The following ANKRD11 variants were observed in gnomAD, a reference collection of about 807,000 sequenced individuals.
ANKRD11 encodes ankyrin repeat domain 11.
ANKRD11 carries 17 observed loss-of-function variants against 195.7 expected under a neutral mutation model. The observed-to-expected ratio is 0.09, with a 90% CI of 0.06 to 0.13. The LOEUF (loss-of-function observed/expected upper bound fraction) is 0.13. Among genes scored for constraint, ANKRD11 ranks in the 10% least tolerant of loss-of-function variants. ANKRD11 has a pLI of 1.00. For missense variants in ANKRD11, 3,735 were observed against 3,566.1 expected, an observed-to-expected ratio of 1.05 and a Z score of -1.21; for synonymous variants, 1,953 against 1,528.1, an observed-to-expected ratio of 1.28 and a Z score of -6.49.
At chr16:89,417,011 T>A (rs2042338839) in intron 2 of ANKRD11, among the ~76,000 whole-genome samples, 1 of 152,088 alleles carries the variant, frequency 6.6e-6, no homozygotes, top group Admixed American at 6.5e-5. Flanking sequence ...ACATGCCCAC[T>A]ACCCAGGCTG....
intron 9 of ANKRD11, among the ~76,000 whole-genome samples, chr16:89,277,265 C>T (rs528951938): frequency 1.8e-4 from 28 of 152,266 alleles, no homozygotes; most frequent in African/African-American, 6.0e-4. Context: ...GCCCAGGACC[C>T]GGCACCACCC....
intron 1 of ANKRD11, among the ~76,000 whole-genome samples, chr16:89,439,053 C>G (rs903814819): frequency 2.2e-5 from 3 of 138,334 alleles, no homozygotes; most frequent in Non-Finnish European, 4.8e-5. Flanking sequence ...AAAACAAAAC[C>G]AAAAAAAAAA....
chr16:89,436,574 G>T (rs563070960), intron 1 of ANKRD11, among the ~76,000 whole-genome samples: 2 of 152,164 alleles, frequency 1.3e-5, no homozygotes, highest in Non-Finnish European at 2.9e-5. Flanking sequence ...CGGCTGTTCC[G>T]CAAGAGCAGG....
At chr16:89,318,100 C>T (rs1235655963) in intron 2 of ANKRD11, among the ~76,000 whole-genome samples, 1 of 152,206 alleles carries the variant, frequency 6.6e-6, no homozygotes, top group African/African-American at 2.4e-5. Flanking sequence ...CCCCTGCTTC[C>T]GACTCCCACC....
intron 2 of ANKRD11, among the ~76,000 whole-genome samples, chr16:89,368,216 T>C (rs1311429418): frequency 6.6e-6 from 1 of 151,698 alleles, no homozygotes; most frequent in Admixed American, 6.6e-5. Flanking sequence ...TTTTTTTTGA[T>C]ACAGATTCTT....
intron 2 of ANKRD11, among the ~76,000 whole-genome samples, chr16:89,356,483 G>GT (rs1016883523): frequency 6.6e-6 from 1 of 152,012 alleles, no homozygotes; most frequent in African/African-American, 2.4e-5. Flanking sequence ...TATAAAGAAT[G>GT]TAACAGGGCC....
rs536957756 is a variant in ANKRD11, at chr16:89,269,374, T to A, written c.7807-711A>T. Among the ~76,000 whole-genome samples the A allele has an allele frequency of 2.0e-5, 3 of 152,294 alleles. No homozygotes were observed. The South Asian group carries it at 6.2e-4, about 32-fold the overall frequency. On this transcript the variant is annotated intron_variant, in intron 12 of 12. Coordinates refer to ENST00000301030, the MANE Select transcript of ANKRD11 (RefSeq NM_013275.6). The stretch of plus-strand genomic sequence containing the variant: ...GCGAGCTGCAGTGTGATCATGTCTG[T>A]CTCTAAATTTTTCTCAACATATATA...
chr16:89,290,740 G>T lies in ANKRD11; in HGVS notation c.486C>A (p.Asn162Lys). The change falls in exon 6 of 13, where the codon AAC becomes AAA. Residue 162 changes from asparagine (N) to lysine (K), a missense_variant. Asn to Lys is a moderately conservative substitution (Grantham distance 94, BLOSUM62 0). Transcript: ENST00000301030. Reference protein sequence around the residue: ...NSASKTKDKVNKRNERGETRL... With the variant: ...NSASKTKDKVKKRNERGETRL... Reference sequence around the variant, plus strand: ...GGGTCTCTCCACGCTCGTTTCTCTTGTTCACTTTATCTTTGGTTTTTGAGG... The same window carrying T: ...GGGTCTCTCCACGCTCGTTTCTCTTTTTCACTTTATCTTTGGTTTTTGAGG... 6.2e-7 allele frequency: 1 copy of T among 1,614,002 alleles called. No homozygotes were observed. The highest frequency in any genetic ancestry group is 8.5e-7 in the Non-Finnish European group (1 of 1,180,028).
chr16:89,341,360 T>A (rs1408989891), intron 2 of ANKRD11, among the ~76,000 whole-genome samples: 1 of 152,156 alleles, frequency 6.6e-6, no homozygotes, highest in East Asian at 1.9e-4. Flanking sequence ...ACAATTTAAG[T>A]TGTAACAGGG....
rs556085192 is a variant in ANKRD11 at position 89,344,553 on chromosome 16, C to T, written c.-59-27475G>A. On this transcript the variant is annotated intron_variant, in intron 2 of 12. Coordinates refer to ENST00000301030, the MANE Select transcript of ANKRD11 (RefSeq NM_013275.6). ...AATGACCCACAAATAAAGGCTCCTC[C>T]TTGTCTGAACGCTGCCTCAGCGTCT... Among the ~76,000 whole-genome samples the T allele has an allele frequency of 4.6e-5, 7 of 152,350 alleles. No homozygotes were observed. In the South Asian group the frequency reaches 1.2e-3, roughly 27 times the overall value.
chr16:89,437,199 G>A (rs187520684), intron 1 of ANKRD11, among the ~76,000 whole-genome samples: 1 of 152,160 alleles, frequency 6.6e-6, no homozygotes, highest in Non-Finnish European at 1.5e-5. Flanking sequence ...AAATGGAGAA[G>A]GAACGTCCAC....
chr16:89,367,761 C>G (rs1188922434), intron 2 of ANKRD11, among the ~76,000 whole-genome samples: 1 of 152,224 alleles, frequency 6.6e-6, no homozygotes, highest in Non-Finnish European at 1.5e-5. Context: ...GGCTGCATGT[C>G]CACCTGCTGC....
At chr16:89,301,380 T>C (rs1161569412) in intron 4 of ANKRD11, 2 of 395,838 alleles carry the variant, frequency 5.1e-6, no homozygotes, top group African/African-American at 4.1e-5. Flanking sequence ...CTTTCAGTGA[T>C]AAGGCTTTTT....
chr16:89,282,011 G>A lies in ANKRD11; in HGVS notation c.4531C>T (p.Pro1511Ser), dbSNP rs1258853642. ...KPATRDKDSP[P>S]RVLKDKSRDE... ...CTGGACTTGTCTTTGAGCACGCGGGGCGGGCTGTCCTTGTCCCTGGTGGCG... is the reference window on the plus strand; with the variant it reads ...CTGGACTTGTCTTTGAGCACGCGGGACGGGCTGTCCTTGTCCCTGGTGGCG... Residue 1511 changes from proline to serine, a missense_variant, in exon 9 of 13, where the codon CCC becomes TCC. Pro to Ser is a moderately conservative substitution (Grantham distance 74, BLOSUM62 -1). Coordinates refer to ENST00000301030, the MANE Select transcript of ANKRD11 (RefSeq NM_013275.6). 1 of 1,613,308 alleles carries A rather than the reference G, an allele frequency of 6.2e-7. No individual in the cohort carries two copies. Among genetic ancestry groups the A allele is most frequent in the Non-Finnish European group, 8.5e-7 (1 of 1,180,012 alleles).
intron 1 of ANKRD11, among the ~76,000 whole-genome samples, chr16:89,452,260 A>C (rs956566684): frequency 6.6e-6 from 1 of 151,934 alleles, no homozygotes; most frequent in Non-Finnish European, 1.5e-5. Flanking sequence ...TCTGTCTCAA[A>C]ATAAAACAAA....
At chr16:89,395,475 T>A (rs2041386082) in intron 2 of ANKRD11, among the ~76,000 whole-genome samples, 1 of 152,112 alleles carries the variant, frequency 6.6e-6, no homozygotes, top group African/African-American at 2.4e-5. Flanking sequence ...GTGCTGCTTC[T>A]GTGAGCATGC....
chr16:89,330,512 G>A (rs1288294165), intron 2 of ANKRD11, among the ~76,000 whole-genome samples: 3 of 152,092 alleles, frequency 2.0e-5, no homozygotes, highest in African/African-American at 4.8e-5. Flanking sequence ...GAGGGTCCCC[G>A]TGACGTGGCA....
chr16:89,435,158 A>C (rs546812563), intron 1 of ANKRD11, among the ~76,000 whole-genome samples: 1 of 152,304 alleles, frequency 6.6e-6, no homozygotes, highest in Admixed American at 6.5e-5. Context: ...AAGGTTTCTA[A>C]ACTCACCAAT....
At chr16:89,292,341 C>G (rs568660304) in intron 4 of ANKRD11, among the ~76,000 whole-genome samples, 57 of 152,262 alleles carry the variant, frequency 3.7e-4, no homozygotes, top group African/African-American at 1.4e-3. Flanking sequence ...CCACACCTGC[C>G]CGGTCACTGG....
Sources: allele counts gnomAD v4.1 joint callset (sites outside exome capture counted in the v4.1 genomes callset), GRCh38; gene constraint gnomAD v4.1.1; transcripts MANE v1.5; gene names NCBI Gene and HGNC (gene_info 2026-07-23, HGNC 2026-07-21).